Variants in SLIT2 observed in about 807,000 individuals in gnomAD.
SLIT2 encodes slit guidance ligand 2.
A neutral mutation model predicts 185.7 loss-of-function variants in SLIT2; 41 were observed. The ratio of observed to expected loss-of-function variants is 0.22; its 90% CI spans 0.17 to 0.29. The LOEUF is 0.29. SLIT2 is among the 10% of genes least tolerant of loss of function. The pLI is 1.00. For missense variants in SLIT2, 1,571 were observed against 1,909.0 expected, an observed-to-expected ratio of 0.82 and a Z score of 3.30; for synonymous variants, 693 against 680.2, an observed-to-expected ratio of 1.02 and a Z score of -0.29.
chr4:20,381,226 T>C (rs1447406861), intron 4 of SLIT2, among the ~76,000 whole-genome samples: 3 of 151,948 alleles, frequency 2.0e-5, no homozygotes, highest in Non-Finnish European at 4.4e-5. Context: ...GGGCTCCAGC[T>C]TGGGTGACAG....
At chr4:20,573,359 G>A in intron 29 of SLIT2, 1 of 693,534 alleles carries the variant, frequency 1.4e-6, no homozygotes, top group Non-Finnish European at 2.6e-6. Context: ...AAAAAGGAAT[G>A]TTGACAAAAT....
At chr4:20,551,428 T>C (rs1465721941) in intron 25 of SLIT2, among the ~76,000 whole-genome samples, 1 of 152,214 alleles carries the variant, frequency 6.6e-6, no homozygotes, top group Non-Finnish European at 1.5e-5. Flanking sequence ...TTCCTTTATG[T>C]TTTCTCTGAT....
intron 4 of SLIT2, among the ~76,000 whole-genome samples, chr4:20,382,205 C>G (rs548951780): frequency 6.6e-6 from 1 of 152,190 alleles, no homozygotes; most frequent in South Asian, 2.1e-4. Context: ...TAGAAGGGAA[C>G]TTCTGCAAAC....
chr4:20,598,460 T>TCC, intron 33 of SLIT2, 65 bp downstream of exon 33: 1 of 1,570,264 alleles, frequency 6.4e-7, no homozygotes, highest in Non-Finnish European at 8.7e-7. Flanking sequence ...GCTTCTCCTC[T>TCC]ATCATTTTAT....
chr4:20,368,491 T>G (rs1344955515), intron 4 of SLIT2, among the ~76,000 whole-genome samples: 2 of 152,066 alleles, frequency 1.3e-5, no homozygotes, highest in Non-Finnish European at 2.9e-5. Flanking sequence ...ACCACAACGA[T>G]CTTTCTATAT....
At chr4:20,480,210 T>G (rs1716551081) in intron 5 of SLIT2, among the ~76,000 whole-genome samples, 1 of 152,012 alleles carries the variant, frequency 6.6e-6, no homozygotes. Context: ...CGATTTGGAG[T>G]CCTTGAAGGA....
chr4:20,416,758 C>T (rs990276987), intron 4 of SLIT2, among the ~76,000 whole-genome samples: 5 of 152,158 alleles, frequency 3.3e-5, no homozygotes, highest in African/African-American at 1.2e-4. Context: ...CTAAATTGTT[C>T]TCACAAAAAG....
intron 4 of SLIT2, among the ~76,000 whole-genome samples, chr4:20,350,500 G>A (rs1721783391): frequency 2.0e-5 from 3 of 151,850 alleles, no homozygotes; most frequent in Admixed American, 2.0e-4. Flanking sequence ...ATAAGATCCC[G>A]CATCATCTGA....
At position 20,334,523 on chromosome 4, in the gene SLIT2, G is replaced by A. The variant is rs139606766; in HGVS notation, c.395+65642G>A. 9.3e-4 allele frequency among the ~76,000 whole-genome samples: 141 copies of A among 152,142 alleles called. 1 individual carries two copies. Among genetic ancestry groups the A allele is most frequent in the African/African-American group, 3.2e-3 (131 of 41,526 alleles). On this transcript the variant is annotated intron_variant, in intron 4 of 36. Coordinates refer to ENST00000504154, the MANE Select transcript of SLIT2 (RefSeq NM_004787.4). ...AGAGATATCTGCCCTTAACTGGGTG[G>A]TTCCTTTTCTAATTGGTATGAACTC... is the stretch of plus-strand genomic sequence containing the variant.
At chr4:20,385,802 GA>G (rs1724887430) in intron 4 of SLIT2, among the ~76,000 whole-genome samples, 1 of 152,074 alleles carries the variant, frequency 6.6e-6, no homozygotes, top group African/African-American at 2.4e-5. Flanking sequence ...ATCAAAAGAA[GA>G]AAATGAACAC....
chr4:20,412,655 A>G lies in SLIT2; in HGVS notation c.396-55097A>G, dbSNP rs559952004. ...CATAATTTTTAAATAAAATTTTTAA[A>G]TAAAAACTTTATTGATATGGAATTC... On this transcript the variant is annotated intron_variant, in intron 4 of 36. Transcript: ENST00000504154. 1.4e-4 allele frequency among the ~76,000 whole-genome samples: 21 copies of G among 152,248 alleles called. No individual in the cohort carries two copies. In the East Asian group the frequency reaches 3.9e-3, roughly 28 times the overall value.
At chr4:20,467,229 G>A (rs114657983) in intron 4 of SLIT2, among the ~76,000 whole-genome samples, 3,766 of 152,078 alleles carry the variant, frequency 0.025, 48 homozygotes, top group African/African-American at 0.034. Flanking sequence ...TTGTTGGGCC[G>A]GTTCTGCCAT....
At chr4:20,279,282 A>G (rs1459694331) in intron 4 of SLIT2, among the ~76,000 whole-genome samples, 1 of 152,208 alleles carries the variant, frequency 6.6e-6, no homozygotes, top group East Asian at 1.9e-4. Flanking sequence ...TTGATGACCC[A>G]CCATAATGTA....
intron 34 of SLIT2, among the ~76,000 whole-genome samples, chr4:20,612,645 C>T (rs887113828): frequency 1.3e-5 from 2 of 151,942 alleles, no homozygotes; most frequent in African/African-American, 4.8e-5. Flanking sequence ...CAGCTGGGCG[C>T]GGTGGCTCAC....
At chr4:20,273,860 G>C (rs1382600996) in intron 4 of SLIT2, among the ~76,000 whole-genome samples, 2 of 152,108 alleles carry the variant, frequency 1.3e-5, no homozygotes, top group African/African-American at 4.8e-5. Flanking sequence ...AGAGATGTCA[G>C]GTGCCATCGT....
Position 20,254,723 on chromosome 4 carries a change from C to T in SLIT2, c.179+729C>T, listed in dbSNP as rs1322544714. Among the ~76,000 whole-genome samples the T allele has an allele frequency of 6.6e-6, 1 of 152,132 alleles. No homozygotes were observed. Among genetic ancestry groups the T allele is most frequent in the Non-Finnish European group, 1.5e-5 (1 of 68,014 alleles). On this transcript the variant is annotated intron_variant, in intron 1 of 36. Coordinates refer to ENST00000504154, the MANE Select transcript of SLIT2 (RefSeq NM_004787.4). This position sits in a 1 kb window ranked among gnomAD's most constrained non-coding sequence, Gnocchi z 5.1. ...TTAAGCGAAGTTAGCACTGGTTCTC[C>T]AGCGCAAACCAGCCCAACCAGGTCT...
chr4:20,499,753 G>T (rs1441159042), intron 9 of SLIT2, among the ~76,000 whole-genome samples: 3 of 152,088 alleles, frequency 2.0e-5, no homozygotes, highest in Non-Finnish European at 4.4e-5. Context: ...CTCCCAAAGT[G>T]CTGGGATTAC....
chr4:20,433,647 A>G (rs1729143150), intron 4 of SLIT2, among the ~76,000 whole-genome samples: 1 of 152,232 alleles, frequency 6.6e-6, no homozygotes, highest in African/African-American at 2.4e-5. Flanking sequence ...AAAAGGGAAT[A>G]GTAATTCAGG....
intron 29 of SLIT2, chr4:20,569,329 C>G (rs575441417): frequency 6.8e-6 from 2 of 292,756 alleles, no homozygotes; most frequent in East Asian, 1.7e-4. Flanking sequence ...AACCAATCCC[C>G]AGTACCTGTG....
Sources: gnomAD v4.1 joint callset for allele counts (sites outside exome capture counted in the v4.1 genomes callset) on GRCh38, gnomAD v4.1.1 for gene constraint, Gnocchi (gnomAD v3.1) non-coding constraint, MANE v1.5 for transcripts, NCBI Gene and HGNC (gene_info 2026-07-23, HGNC 2026-07-21) for gene names.